Variants in HS3ST4 observed in about 807,000 individuals in gnomAD.
HS3ST4 encodes the protein heparan sulfate-glucosamine 3-sulfotransferase 4, also known as heparan sulfate glucosamine 3-O-sulfotransferase 4.
Under a neutral mutation model 29.2 loss-of-function variants are expected in HS3ST4, and 17 were observed. That is an observed-to-expected ratio of 0.58 (90% confidence interval 0.40 to 0.87). The LOEUF is 0.87. Among genes scored for constraint, HS3ST4 ranks in the 40% least tolerant of loss-of-function variants. The pLI is 0.00. For missense variants in HS3ST4, 627 were observed against 634.5 expected, an observed-to-expected ratio of 0.99 and a Z score of 0.13; for synonymous variants, 314 against 285.7, an observed-to-expected ratio of 1.10 and a Z score of -1.00.
intron 1 of HS3ST4, among the ~76,000 whole-genome samples, chr16:25,814,855 T>C (rs996853748): frequency 2.6e-5 from 4 of 152,192 alleles, no homozygotes; most frequent in Admixed American, 2.6e-4. Context: ...GTCCAGATAA[T>C]GGAGCCACAA....
At chr16:25,882,462 C>G (rs895543697) in intron 1 of HS3ST4, among the ~76,000 whole-genome samples, 2 of 152,136 alleles carry the variant, frequency 1.3e-5, no homozygotes, top group African/African-American at 4.8e-5. Context: ...CAGGCAGTTT[C>G]AGGCACTTTT....
chr16:26,118,102 G>A (rs1167248205), intron 1 of HS3ST4, among the ~76,000 whole-genome samples: 1 of 152,178 alleles, frequency 6.6e-6, no homozygotes, highest in Non-Finnish European at 1.5e-5. Context: ...GTCTCACTCT[G>A]TTGCCCACTC....
intron 1 of HS3ST4, among the ~76,000 whole-genome samples, chr16:25,986,951 G>C (rs11645486): frequency 1.3e-5 from 2 of 152,242 alleles, no homozygotes; most frequent in African/African-American, 2.4e-5. Flanking sequence ...TCATTGATCA[G>C]AAACAGGTTG....
At chr16:25,765,265 T>A (rs1257716599) in intron 1 of HS3ST4, among the ~76,000 whole-genome samples, 2 of 152,214 alleles carry the variant, frequency 1.3e-5, no homozygotes, top group African/African-American at 2.4e-5. Context: ...CCACTGAATT[T>A]ATTCTCAAAG....
At chr16:25,773,942 C>T (rs756949106) in intron 1 of HS3ST4, among the ~76,000 whole-genome samples, 16 of 152,256 alleles carry the variant, frequency 1.1e-4, no homozygotes, top group Non-Finnish European at 1.8e-4. Flanking sequence ...CTGACTATCT[C>T]GGTGACCAAA....
At chr16:25,904,079 G>A (rs1408275221) in intron 1 of HS3ST4, among the ~76,000 whole-genome samples, 2 of 152,038 alleles carry the variant, frequency 1.3e-5, no homozygotes, top group African/African-American at 4.8e-5. Context: ...TGAATAGATG[G>A]ATGGATGCAT....
intron 1 of HS3ST4, among the ~76,000 whole-genome samples, chr16:26,004,269 A>C (rs935238846): frequency 7.9e-5 from 12 of 152,176 alleles, no homozygotes; most frequent in African/African-American, 2.9e-4. Context: ...GATTGTATGC[A>C]CTTCTCTCTC....
At chr16:25,922,220 C>A (rs965498282) in intron 1 of HS3ST4, among the ~76,000 whole-genome samples, 1 of 152,132 alleles carries the variant, frequency 6.6e-6, no homozygotes, top group African/African-American at 2.4e-5. Flanking sequence ...TAGGTTGAAA[C>A]CTAATCCCTG....
intron 1 of HS3ST4, among the ~76,000 whole-genome samples, chr16:26,075,244 CA>C (rs992109708): frequency 5.3e-5 from 8 of 152,078 alleles, no homozygotes; most frequent in Non-Finnish European, 1.0e-4. Flanking sequence ...TCTTCCAGAC[CA>C]ACCCTTTTCC....
chr16:25,744,860 C>T (rs1966676239), intron 1 of HS3ST4, among the ~76,000 whole-genome samples: 1 of 152,206 alleles, frequency 6.6e-6, no homozygotes, highest in Non-Finnish European at 1.5e-5. Context: ...AATTGCTCCT[C>T]CTTGCCTTCC....
chr16:25,836,043 C>T (rs966094015), intron 1 of HS3ST4, among the ~76,000 whole-genome samples: 4 of 152,116 alleles, frequency 2.6e-5, no homozygotes, highest in African/African-American at 9.7e-5. Flanking sequence ...GAGGAACAAG[C>T]TGGTCTCTTC....
At chr16:25,697,706 C>CT (rs574271388) in intron 1 of HS3ST4, among the ~76,000 whole-genome samples, 450 of 151,244 alleles carry the variant, frequency 3.0e-3, no homozygotes, top group Non-Finnish European at 4.7e-3. Context: ...TCTTTCTTTT[C>CT]TTTTTTTTTG....
intron 1 of HS3ST4, among the ~76,000 whole-genome samples, chr16:26,054,888 G>A (rs993661604): frequency 6.6e-6 from 1 of 151,940 alleles, no homozygotes. Context: ...ACCACAGAAA[G>A]GTGTTTTCGC....
intron 1 of HS3ST4, among the ~76,000 whole-genome samples, chr16:25,708,992 AAC>A (rs1329630208): frequency 3.3e-5 from 5 of 152,232 alleles, no homozygotes; most frequent in Admixed American, 2.0e-4. Context: ...CTCTGGTTAT[AAC>A]ACAGAAATCC....
At chr16:26,036,123 G>A (rs73512482) in intron 1 of HS3ST4, among the ~76,000 whole-genome samples, 1,832 of 152,298 alleles carry the variant, frequency 0.012, 38 homozygotes, top group African/African-American at 0.04. Context: ...CAAGAGACTG[G>A]GAGGCCAGGT....
chr16:25,955,663 A>G (rs915156730), intron 1 of HS3ST4, among the ~76,000 whole-genome samples: 1 of 152,096 alleles, frequency 6.6e-6, no homozygotes, highest in African/African-American at 2.4e-5. Flanking sequence ...ATATAATATC[A>G]TTCATGTATT....
At chr16:25,813,660 AG>A (rs1967064734) in intron 1 of HS3ST4, among the ~76,000 whole-genome samples, 1 of 152,218 alleles carries the variant, frequency 6.6e-6, no homozygotes, top group Non-Finnish European at 1.5e-5. Flanking sequence ...ACCACTTTGG[AG>A]AACTGTTCAT....
chr16:25,749,637 G>A (rs958198136), intron 1 of HS3ST4, among the ~76,000 whole-genome samples: 5 of 152,324 alleles, frequency 3.3e-5, no homozygotes, highest in Middle Eastern at 6.8e-3. Context: ...GTTTGGGCAA[G>A]CTGTTGTCCT....
intron 1 of HS3ST4, among the ~76,000 whole-genome samples, chr16:25,907,529 G>T (rs1968190956): frequency 6.6e-6 from 1 of 152,184 alleles, no homozygotes; most frequent in Non-Finnish European, 1.5e-5. Flanking sequence ...GAAAGCTGAA[G>T]CTTCATCGAT....
Sources: gnomAD v4.1 joint callset for allele counts (sites outside exome capture counted in the v4.1 genomes callset) on GRCh38, gnomAD v4.1.1 for gene constraint, MANE v1.5 for transcripts, NCBI Gene and HGNC (gene_info 2026-07-23, HGNC 2026-07-21) for gene names.